The following PHACTR1 variants were observed in gnomAD, a reference collection of about 807,000 sequenced individuals.
PHACTR1 encodes the protein phosphatase and actin regulator 1.
Under a neutral mutation model 69.2 loss-of-function variants are expected in PHACTR1, and 16 were observed. The ratio of observed to expected loss-of-function variants is 0.23; its 90% CI spans 0.16 to 0.35. PHACTR1 has a LOEUF of 0.35. Among genes scored for constraint, PHACTR1 ranks in the 10% least tolerant of loss-of-function variants. PHACTR1 has a pLI of 1.00. For missense variants in PHACTR1, 510 were observed against 734.7 expected, an observed-to-expected ratio of 0.69 and a Z score of 3.54; for synonymous variants, 312 against 284.5, an observed-to-expected ratio of 1.10 and a Z score of -0.97.
At chr6:12,762,898 C>G (rs1376402852) in intron 4 of PHACTR1, among the ~76,000 whole-genome samples, 1 of 152,134 alleles carries the variant, frequency 6.6e-6, no homozygotes, top group Non-Finnish European at 1.5e-5. Context: ...CTGAGTCAAA[C>G]CACGTCACGA....
chr6:13,007,748 G>A (rs907332255), intron 4 of PHACTR1, among the ~76,000 whole-genome samples: 3 of 147,394 alleles, frequency 2.0e-5, no homozygotes, highest in Non-Finnish European at 3.0e-5. Flanking sequence ...GCAGTCTTCC[G>A]AAATAATGCT....
intron 10 of PHACTR1, among the ~76,000 whole-genome samples, chr6:13,231,072 GAA>G (rs1770889363): frequency 4.7e-4 from 3 of 6,318 alleles, no homozygotes; most frequent in African/African-American, 2.6e-3. Flanking sequence ...AGGAAGGAAG[GAA>G]GGAAGGAAGG....
chr6:13,152,149 A>G (rs1824408834), intron 5 of PHACTR1, among the ~76,000 whole-genome samples: 2 of 152,160 alleles, frequency 1.3e-5, no homozygotes, highest in South Asian at 4.1e-4. Flanking sequence ...CCTAGCCAAC[A>G]TGGTGAAACC....
chr6:12,724,468 C>T (rs1285218639), intron 3 of PHACTR1, among the ~76,000 whole-genome samples: 3 of 152,124 alleles, frequency 2.0e-5, no homozygotes, highest in Non-Finnish European at 4.4e-5. Flanking sequence ...ACTAGAAAAC[C>T]GAAGACTGAT....
At chr6:12,820,315 G>A (rs560788411) in intron 4 of PHACTR1, among the ~76,000 whole-genome samples, 1 of 152,208 alleles carries the variant, frequency 6.6e-6, no homozygotes, top group African/African-American at 2.4e-5. Context: ...CAAGGAGCTG[G>A]GACTACAGGC....
rs1562119669 is a variant in PHACTR1, at chr6:13,003,950, C to CATATATATATATATATATATATATATAT, written c.251-49415_251-49414insATATATATATATATATATATATATATAT. 5.3e-3 allele frequency among the ~76,000 whole-genome samples: 433 copies of CATATATATATATATATATATATATATAT among 81,182 alleles called. 15 individuals are homozygous for CATATATATATATATATATATATATATAT. Among genetic ancestry groups the CATATATATATATATATATATATATATAT allele is most frequent in the Middle Eastern group, 0.014 (2 of 148 alleles). 53.3% of individuals were successfully genotyped at this position (81,182 alleles called of 152,430 possible). A position where few individuals can be genotyped will look rare whatever the true frequency, so the allele number is the denominator to read the frequency against. ...TCTTTTTTTATGGCTCAGTAGTATTCCTATATATATATATGTATATATATA... is the reference window on the plus strand; with the variant it reads ...TCTTTTTTTATGGCTCAGTAGTATTCATATATATATATATATATATATATATATCTATATATATATATGTATATATATA... On this transcript the variant is annotated intron_variant, in intron 4 of 14. Coordinates refer to ENST00000332995, the MANE Select transcript of PHACTR1 (RefSeq NM_030948.6).
In PHACTR1 at chr6:13,283,732, G is replaced by A. The variant is rs369946; in HGVS notation, c.1650+170G>A. 78,168 of 947,150 alleles carry A rather than the reference G, an allele frequency of 0.083. 4,681 individuals carry two copies. The highest frequency in any genetic ancestry group is 0.29 in the Admixed American group (12,411 of 42,314). The allele number at this position is 947,150 out of a possible 1,614,324, so 58.7% of individuals were successfully genotyped here. On this transcript the variant is annotated intron_variant, in intron 13 of 14. Transcript: ENST00000332995. The surrounding 1 kb of genome is among the most constrained non-coding windows in gnomAD (Gnocchi z 4.7). ...TCCCCAGGGGCCACAGATAATCTGC[G>A]GAAAGGCTGCTGAATCGGAGAAAAC...
chr6:13,170,999 A>G (rs1760527405), intron 6 of PHACTR1, among the ~76,000 whole-genome samples: 3 of 152,304 alleles, frequency 2.0e-5, no homozygotes, highest in African/African-American at 7.2e-5. Context: ...CTCATAAAGG[A>G]CATAATCCCG....
chr6:12,919,091 G>A (rs2127508178), intron 4 of PHACTR1, among the ~76,000 whole-genome samples: 1 of 152,166 alleles, frequency 6.6e-6, no homozygotes, highest in East Asian at 1.9e-4. Context: ...GCCTCCCAAA[G>A]TCCTGGGATT....
intron 4 of PHACTR1, among the ~76,000 whole-genome samples, chr6:12,990,527 G>A (rs768607863): frequency 1.3e-5 from 2 of 152,248 alleles, no homozygotes; most frequent in South Asian, 2.1e-4. Context: ...GCCGGGCCAA[G>A]CGCTTTTGGG....
intron 4 of PHACTR1, among the ~76,000 whole-genome samples, chr6:12,878,123 T>G (rs918066532): frequency 6.6e-6 from 1 of 152,182 alleles, no homozygotes; most frequent in African/African-American, 2.4e-5. Context: ...GCAAAGTACC[T>G]GATTAGGATA....
At chr6:13,250,945 G>C (rs1774303061) in intron 10 of PHACTR1, among the ~76,000 whole-genome samples, 1 of 152,234 alleles carries the variant, frequency 6.6e-6, no homozygotes, top group Non-Finnish European at 1.5e-5. Context: ...GTGGTGAAGA[G>C]AGGCTGACAA....
At chr6:13,094,894 G>A (rs557826653) in intron 5 of PHACTR1, among the ~76,000 whole-genome samples, 2 of 152,132 alleles carry the variant, frequency 1.3e-5, no homozygotes, top group African/African-American at 2.4e-5. Context: ...AAATTCATAC[G>A]TGGAAGCCCT....
chr6:13,033,039 T>A (rs1286500782), intron 4 of PHACTR1, among the ~76,000 whole-genome samples: 1 of 152,174 alleles, frequency 6.6e-6, no homozygotes, highest in Non-Finnish European at 1.5e-5. Context: ...TGAACGTGAC[T>A]TCTCTTTCCC....
At chr6:12,883,616 T>C (rs1014082775) in intron 4 of PHACTR1, among the ~76,000 whole-genome samples, 1 of 151,434 alleles carries the variant, frequency 6.6e-6, no homozygotes, top group African/African-American at 2.4e-5. Context: ...ACCTGAGACC[T>C]GAGTCCTGAG....
At chr6:12,990,083 A>AG (rs1796640387) in intron 4 of PHACTR1, among the ~76,000 whole-genome samples, 1 of 152,072 alleles carries the variant, frequency 6.6e-6, no homozygotes, top group Admixed American at 6.6e-5. Context: ...ATTGTCCCAT[A>AG]TTTTTATAGC....
chr6:13,262,899 G>A (rs568999477), intron 10 of PHACTR1, among the ~76,000 whole-genome samples: 1 of 152,226 alleles, frequency 6.6e-6, no homozygotes, highest in South Asian at 2.1e-4. Context: ...TTTTTCCTTT[G>A]TCCTGAAATG....
At chr6:13,019,321 C>A (rs931744570) in intron 4 of PHACTR1, among the ~76,000 whole-genome samples, 1 of 152,190 alleles carries the variant, frequency 6.6e-6, no homozygotes, top group African/African-American at 2.4e-5. Context: ...TTCCCCTACT[C>A]TTGTATTATG....
chr6:12,931,174 T>G (rs542169227), intron 4 of PHACTR1, among the ~76,000 whole-genome samples: 2 of 152,300 alleles, frequency 1.3e-5, no homozygotes, highest in South Asian at 2.1e-4. Flanking sequence ...AAGAGAGTGG[T>G]CCAGTGCCAT....
Sources: allele counts gnomAD v4.1 joint callset (sites outside exome capture counted in the v4.1 genomes callset), GRCh38; gene constraint gnomAD v4.1.1; non-coding constraint Gnocchi (gnomAD v3.1); transcripts MANE v1.5; gene names NCBI Gene and HGNC (gene_info 2026-07-23, HGNC 2026-07-21).